KLKB1: variants seen among roughly 807,000 people sequenced by gnomAD.
KLKB1 encodes the protein kallikrein B1.
Under a neutral mutation model 73.6 loss-of-function variants are expected in KLKB1, and 58 were observed. That is an observed-to-expected ratio of 0.79 (90% CI 0.64 to 0.98). KLKB1 has a LOEUF of 0.98. KLKB1 is among the 50% of genes least tolerant of loss of function. The probability of loss-of-function intolerance (pLI) is 0.00; values close to 1 mark genes in which losing one functional copy is unlikely to be tolerated. For synonymous variants in KLKB1, 280 were observed against 258.1 expected, an observed-to-expected ratio of 1.08 and a Z score of -0.81; for missense variants, 737 against 763.8, an observed-to-expected ratio of 0.96 and a Z score of 0.41.
At chr4:186,241,348 G>T (rs1332331471) in intron 6 of KLKB1, among the ~76,000 whole-genome samples, 2 of 152,222 alleles carry the variant, frequency 1.3e-5, no homozygotes, top group Non-Finnish European at 2.9e-5. Context: ...TGCTCCGGGG[G>T]CAACACAGCT....
intron 6 of KLKB1, among the ~76,000 whole-genome samples, chr4:186,243,556 G>GC (rs1264129165): frequency 6.6e-6 from 1 of 152,202 alleles, no homozygotes; most frequent in Admixed American, 6.5e-5. Flanking sequence ...CCTTTTGGTG[G>GC]CCCTTGCAGT....
At chr4:186,224,408 C>T (rs1232687796), upstream of KLKB1, among the ~76,000 whole-genome samples, 1 of 152,252 alleles carries the variant, frequency 6.6e-6, no homozygotes, top group East Asian at 1.9e-4. Flanking sequence ...CTGTACCCTG[C>T]AAAGCCACAG....
upstream of KLKB1, among the ~76,000 whole-genome samples, chr4:186,221,737 G>C (rs1047097454): frequency 6.6e-6 from 1 of 152,086 alleles, no homozygotes; most frequent in Non-Finnish European, 1.5e-5. Context: ...AGTGTTCTGT[G>C]TGCACTTAAA....
chr4:186,242,027 G>A (rs1738076336), intron 6 of KLKB1, among the ~76,000 whole-genome samples: 1 of 152,190 alleles, frequency 6.6e-6, no homozygotes, highest in Non-Finnish European at 1.5e-5. Context: ...TAATCACCTG[G>A]GTGCAGGCAG....
intron 2 of KLKB1, among the ~76,000 whole-genome samples, chr4:186,228,557 T>A (rs568672999): frequency 9.2e-5 from 14 of 152,292 alleles, no homozygotes; most frequent in African/African-American, 3.4e-4. Context: ...CAAAAAAAAA[T>A]TAGTCCTCTA....
intron 4 of KLKB1, among the ~76,000 whole-genome samples, chr4:186,234,780 A>T (rs1737569316): frequency 6.6e-6 from 1 of 152,198 alleles, no homozygotes; most frequent in Admixed American, 6.5e-5. Context: ...AACAGTTTCC[A>T]ATGCTATCCT....
intron 2 of KLKB1, among the ~76,000 whole-genome samples, chr4:186,219,586 A>T (rs1452427368): frequency 6.6e-6 from 1 of 152,222 alleles, no homozygotes; most frequent in Non-Finnish European, 1.5e-5. Flanking sequence ...TTCCTAACAA[A>T]ATAAGGAGGA....
upstream of KLKB1, among the ~76,000 whole-genome samples, chr4:186,223,637 G>T (rs1212989603): frequency 6.6e-6 from 1 of 152,184 alleles, no homozygotes; most frequent in Non-Finnish European, 1.5e-5. Flanking sequence ...ATATAACCTG[G>T]CTTTTTCTGA....
rs1174543697 is a variant in KLKB1 at position 186,254,752 on chromosome 4, T to C, written c.1478T>C (p.Leu493Ser). Residue 493 changes from leucine (L) to serine (S), a missense_variant, in exon 12 of 15, where the codon TTG becomes TCG. By Grantham distance (145) the Leu-to-Ser change is moderately radical. Transcript: ENST00000264690. ...DIALIKLQAP[L>S]NYTEFQKPIC... ...GCCTTGATAAAACTCCAGGCTCCTT[T>C]GAATTACACTGGTATGTAGCATATG... 1 of 1,612,506 alleles carries C rather than the reference T, an allele frequency of 6.2e-7. No individual in the cohort carries two copies. The highest frequency in any genetic ancestry group is 2.2e-5 in the East Asian group (1 of 44,886).
chr4:186,217,435 A>G (rs1736932488), intron 2 of KLKB1, among the ~76,000 whole-genome samples: 1 of 152,218 alleles, frequency 6.6e-6, no homozygotes, highest in Non-Finnish European at 1.5e-5. Context: ...CACAACATGC[A>G]TATTTAAAAT....
At chr4:186,233,524 AAGAC>A (rs1330482031) in intron 3 of KLKB1, among the ~76,000 whole-genome samples, 1 of 152,256 alleles carries the variant, frequency 6.6e-6, no homozygotes, top group Non-Finnish European at 1.5e-5. Flanking sequence ...GTGGACATCT[AAGAC>A]AGAGGGAAGT....
rs777170227 is a variant in KLKB1 at position 186,232,242 on chromosome 4, G to A, written c.174G>A (p.Leu58=). 5.6e-6 allele frequency: 9 copies of A among 1,614,030 alleles called. No homozygotes were observed. Among genetic ancestry groups the A allele is most frequent in the South Asian group, 5.5e-5 (5 of 91,088 alleles). ...GGTGCACATTCCACCCAAGGTGTTT[G>A]CTATTCAGTTTTCTTCCAGCAAGTT... ...QMRCTFHPRC[L]LFSFLPASSI... Residue 58 remains leucine, a synonymous_variant, in exon 3 of 15, where the codon TTG becomes TTA. Transcript: ENST00000264690.
intron 6 of KLKB1, among the ~76,000 whole-genome samples, chr4:186,242,742 G>A (rs1306081731): frequency 6.6e-6 from 1 of 152,020 alleles, no homozygotes; most frequent in African/African-American, 2.4e-5. Context: ...TGAGTTTTTG[G>A]GCTCTATCCT....
chr4:186,221,702 G>T (rs1242284166), upstream of KLKB1, among the ~76,000 whole-genome samples: 1 of 152,052 alleles, frequency 6.6e-6, no homozygotes, highest in Non-Finnish European at 1.5e-5. Flanking sequence ...GTTTTCCATG[G>T]CCTAACATAT....
Position 186,258,133 on chromosome 4 carries a change from A to C in KLKB1, c.1838A>C (p.Lys613Thr), listed in dbSNP as rs763266772. The C allele has an allele frequency of 6.2e-7, 1 of 1,614,090 alleles. No homozygotes were observed. Among genetic ancestry groups the C allele is most frequent in the African/African-American group, 1.3e-5 (1 of 74,934 alleles). The stretch of plus-strand genomic sequence containing the variant: ...AGGGAGCAACCTGGTGTCTACACCA[A>C]AGTCGCTGAGTACATGGACTGGATT... ...ARREQPGVYT[K>T]VAEYMDWILE... is the part of the protein sequence containing the mutation. The change falls in exon 15 of 15, where the codon AAA becomes ACA. Residue 613 changes from lysine to threonine, a missense_variant. By Grantham distance (78) the Lys-to-Thr change is moderately conservative. Transcript: ENST00000264690.
intron 2 of KLKB1, among the ~76,000 whole-genome samples, chr4:186,214,263 G>A (rs558113557): frequency 1.3e-5 from 2 of 152,314 alleles, no homozygotes; most frequent in African/African-American, 4.8e-5. Context: ...GTGATGCTGA[G>A]GCTCACTGCA....
chr4:186,248,860 C>G (rs1179571263), intron 6 of KLKB1, among the ~76,000 whole-genome samples: 3 of 152,138 alleles, frequency 2.0e-5, no homozygotes, highest in Non-Finnish European at 4.4e-5. Flanking sequence ...GTAATTATTG[C>G]CTTTCTAGGC....
chr4:186,221,963 T>C (rs1737042028), upstream of KLKB1, among the ~76,000 whole-genome samples: 1 of 152,216 alleles, frequency 6.6e-6, no homozygotes, highest in Non-Finnish European at 1.5e-5. Flanking sequence ...CATGTGTATT[T>C]ACAATTGTTA....
At position 186,221,342 on chromosome 4, in the gene KLKB1, G is replaced by GT. The variant is rs1016111523; in HGVS notation, c.202-10773dup. Among the ~76,000 whole-genome samples, 820 of 142,894 alleles carry GT rather than the reference G, an allele frequency of 5.7e-3. 5 individuals are homozygous for GT. The highest frequency in any genetic ancestry group is 0.016 in the African/African-American group (635 of 39,344). The allele number at this position is 142,894 out of a possible 152,430, so 93.7% of individuals were successfully genotyped here. A position where few individuals can be genotyped will look rare whatever the true frequency, so the allele number is the denominator to read the frequency against. On this transcript the variant is annotated intron_variant, in intron 2 of 14. Transcript: ENST00000511608. ...CTTTCTTCCTCTGTCTTTGGGCTTA[G>GT]TTTTTTTTTTTTACTTTCTTATTGC... is the stretch of plus-strand genomic sequence containing the variant.
Sources: allele counts gnomAD v4.1 joint callset (sites outside exome capture counted in the v4.1 genomes callset), GRCh38; gene constraint gnomAD v4.1.1; transcripts MANE v1.5; gene names NCBI Gene and HGNC (gene_info 2026-07-23, HGNC 2026-07-21).